Variants in HCN4 observed in about 807,000 individuals in gnomAD.
HCN4 encodes the protein potassium/sodium hyperpolarization-activated cyclic nucleotide-gated channel 4.
A neutral mutation model predicts 76.9 loss-of-function variants in HCN4; 29 were observed. The ratio of observed to expected loss-of-function variants is 0.38; its 90% CI spans 0.28 to 0.51. The LOEUF (loss-of-function observed/expected upper bound fraction) is 0.51, where lower values mean the gene tolerates loss of function less well. Ranked by LOEUF, HCN4 falls within the 20% of genes least tolerant of loss-of-function variation. HCN4 has a pLI of 0.90. For synonymous variants in HCN4, 772 were observed against 762.5 expected (o/e 1.01, Z -0.21); for missense variants, 1,416 against 1,715.2 (o/e 0.83, Z 3.08).
rs560411443 is a variant in HCN4 at position 73,363,511 on chromosome 15, G to T, written c.785+3975C>A. 4.6e-5 allele frequency among the ~76,000 whole-genome samples: 7 copies of T among 152,350 alleles called. 1 individual carries two copies. The highest frequency in any genetic ancestry group is 1.7e-4 in the African/African-American group (7 of 41,576). Reference sequence around the variant, plus strand: ...TCACCAGGCCCAGGCTCTCTTCTGGGATGGCCTAGAGAGGGGTTCACAACC... The same window carrying T: ...TCACCAGGCCCAGGCTCTCTTCTGGTATGGCCTAGAGAGGGGTTCACAACC... On this transcript the variant is annotated intron_variant, in intron 1 of 7. Coordinates refer to ENST00000261917, the MANE Select transcript of HCN4 (RefSeq NM_005477.3).
In HCN4 at chr15:73,325,867, G is replaced by GTTGTCCA. The variant is rs2042895923; in HGVS notation, c.1591-424_1591-423insTGGACAA. On this transcript the variant is annotated intron_variant, in intron 4 of 7. Transcript: ENST00000261917. The surrounding 1 kb of genome is among the most constrained non-coding windows in gnomAD (Gnocchi z 7.4). ...CCTCCCAGCAGTGACAACTGGCACA[G>GTTGTCCA]TCAGGAGGCAAGGGTGCGATGGATC... Among the ~76,000 whole-genome samples the GTTGTCCA allele has an allele frequency of 1.3e-5, 2 of 152,208 alleles. No homozygotes were observed. The highest frequency in any genetic ancestry group is 2.9e-5 in the Non-Finnish European group (2 of 68,040).
chr15:73,367,757 G>T lies in HCN4; in HGVS notation c.514C>A (p.Pro172Thr). The change falls in exon 1 of 8, where the codon CCG becomes ACG. Residue 172 changes from proline to threonine, a missense_variant. Transcript: ENST00000261917. The surrounding 1 kb of genome is among the most constrained non-coding windows in gnomAD (Gnocchi z 7.5). ...TCGCAGGAGGCGGAGGCCGGCTGCG[G>T]TGGCTGCTGGGGCGGCGGCGGCGAG... ...AASPPPPQQP[P>T]QPASASCEQP... The T allele has an allele frequency of 6.4e-7, 1 of 1,553,180 alleles. No individual in the cohort carries two copies. The highest frequency in any genetic ancestry group is 1.2e-5 in the South Asian group (1 of 86,502).
At chr15:73,362,068 C>G (rs1158862979) in intron 1 of HCN4, among the ~76,000 whole-genome samples, 2 of 152,328 alleles carry the variant, frequency 1.3e-5, no homozygotes, top group East Asian at 3.9e-4. Context: ...AATGAGGGTC[C>G]TCTGACCACC....
At chr15:73,348,861 A>C (rs939862473) in intron 1 of HCN4, among the ~76,000 whole-genome samples, 5 of 152,152 alleles carry the variant, frequency 3.3e-5, no homozygotes, top group Non-Finnish European at 5.9e-5. Context: ...CCAGACCTGC[A>C]TTCTTACCTG....
rs2042864048 is a variant in HCN4, at chr15:73,322,327, T to C, written c.*154A>G. ...GACCAAAAATCTATAGCTCTAAGAATACCTGGTTATTTTCTGCTGTCTTTT... is the reference window on the plus strand; with the variant it reads ...GACCAAAAATCTATAGCTCTAAGAACACCTGGTTATTTTCTGCTGTCTTTT... On this transcript the variant is annotated 3_prime_UTR_variant, in exon 8 of 8. Coordinates refer to ENST00000261917, the MANE Select transcript of HCN4 (RefSeq NM_005477.3). The C allele has an allele frequency of 6.3e-6, 4 of 630,484 alleles. No individual in the cohort carries two copies. The Admixed American group carries it at 7.0e-5, about 11-fold the overall frequency. 39.1% of individuals were successfully genotyped at this position (630,484 alleles called of 1,614,324 possible). A position where few individuals can be genotyped will look rare whatever the true frequency, so the allele number is the denominator to read the frequency against.
intron 2 of HCN4, among the ~76,000 whole-genome samples, chr15:73,340,295 C>G (rs1191377632): frequency 6.6e-6 from 1 of 152,198 alleles, no homozygotes; most frequent in Non-Finnish European, 1.5e-5. Flanking sequence ...CCACAGCCCT[C>G]AGGCCCTGGA....
chr15:73,347,575 T>A (rs1172475672), intron 1 of HCN4, among the ~76,000 whole-genome samples: 1 of 152,160 alleles, frequency 6.6e-6, no homozygotes, highest in Non-Finnish European at 1.5e-5. Context: ...GTCACACATG[T>A]CCTATAGAAG....
chr15:73,336,178 T>C (rs1415683738), intron 2 of HCN4, among the ~76,000 whole-genome samples: 1 of 152,082 alleles, frequency 6.6e-6, no homozygotes, highest in East Asian at 1.9e-4. Context: ...GCACGGCTGG[T>C]AGCAGAGCCC....
In HCN4 at chr15:73,329,774, C is replaced by T. The variant is rs1490736338; in HGVS notation, c.1389G>A (p.Lys463=). ...CCTTGAAGAGCGCGTAGGAGTACTGCTTCCCCCAGGAGTTGTTCTGTGGAC... is the reference window on the plus strand; with the variant it reads ...CCTTGAAGAGCGCGTAGGAGTACTGTTTCCCCCAGGAGTTGTTCTGTGGAC... The part of the protein sequence containing the change: ...INNMVNNSWG[K]QYSYALFKAM... The change falls in exon 4 of 8, where the codon AAG becomes AAA. Residue 463 remains lysine (K), a synonymous_variant. Coordinates refer to ENST00000261917, the MANE Select transcript of HCN4 (RefSeq NM_005477.3). The T allele has an allele frequency of 6.2e-7, 1 of 1,613,852 alleles. No individual in the cohort carries two copies. The highest frequency in any genetic ancestry group is 2.2e-5 in the East Asian group (1 of 44,876).
intron 1 of HCN4, among the ~76,000 whole-genome samples, chr15:73,361,867 C>A (rs191722776): frequency 4.4e-4 from 67 of 152,374 alleles, no homozygotes; most frequent in African/African-American, 1.6e-3. Context: ...CTCCTCTCAG[C>A]TGGCCCCTGT....
intron 3 of HCN4, among the ~76,000 whole-genome samples, chr15:73,331,351 G>A (rs1338629543): frequency 1.3e-5 from 2 of 152,228 alleles, no homozygotes; most frequent in Non-Finnish European, 2.9e-5. Flanking sequence ...ATGTTGGCGA[G>A]TGGGGGCAGC....
chr15:73,329,750 C>G lies in HCN4; in HGVS notation c.1413G>C (p.Lys471Asn). The G allele has an allele frequency of 6.2e-7, 1 of 1,614,152 alleles. No individual in the cohort carries two copies. Among genetic ancestry groups the G allele is most frequent in the Non-Finnish European group, 8.5e-7 (1 of 1,179,998 alleles). The change falls in exon 4 of 8, where the codon AAG becomes AAC. Residue 471 changes from lysine (K) to asparagine (N), a missense_variant. Coordinates refer to ENST00000261917, the MANE Select transcript of HCN4 (RefSeq NM_005477.3). ...CGATGCACAGCATGTGGCTCATGGC[C>G]TTGAAGAGCGCGTAGGAGTACTGCT... ...WGKQYSYALF[K>N]AMSHMLCIGY...
Position 73,367,892 on chromosome 15 carries a change from C to T in HCN4, c.379G>A (p.Glu127Lys), listed in dbSNP as rs1056770175. 4 of 1,378,094 alleles carry T rather than the reference C, an allele frequency of 2.9e-6. No individual in the cohort carries two copies. The highest frequency in any genetic ancestry group is 3.8e-6 in the Non-Finnish European group (4 of 1,064,110). 85.4% of individuals were successfully genotyped at this position (1,378,094 alleles called of 1,614,324 possible). The change falls in exon 1 of 8, where the codon GAG (glutamate) becomes AAG (lysine). Residue 127 changes from glutamate to lysine, a missense_variant. Coordinates refer to ENST00000261917, the MANE Select transcript of HCN4 (RefSeq NM_005477.3). The surrounding 1 kb of genome is among the most constrained non-coding windows in gnomAD (Gnocchi z 7.5). Reference sequence around the variant, plus strand: ...CCCTCGGCGATGAGCCGCCGCTCCTCCGCGGAGTCATGCAGGTGTCCGTGA... The same window carrying T: ...CCCTCGGCGATGAGCCGCCGCTCCTTCGCGGAGTCATGCAGGTGTCCGTGA... ...SSHGHLHDSA[E>K]ERRLIAEGDA...
rs558425164 is a variant in HCN4 at position 73,328,496 on chromosome 15, G to A, written c.1590+1077C>T. On this transcript the variant is annotated intron_variant, in intron 4 of 7. Coordinates refer to ENST00000261917, the MANE Select transcript of HCN4 (RefSeq NM_005477.3). This position sits in a 1 kb window ranked among gnomAD's most constrained non-coding sequence, Gnocchi z 4.0. ...ATGAGGCTGACGTGTTTTAGATGCC[G>A]CTCCAACTGCTGTGTGAGGTGTGCA... Among the ~76,000 whole-genome samples the A allele has an allele frequency of 2.0e-5, 3 of 152,072 alleles. No individual in the cohort carries two copies. The highest frequency in any genetic ancestry group is 2.1e-4 in the South Asian group (1 of 4,818).
rs563802180 is a variant in HCN4 at position 73,329,500 on chromosome 15, G to A, written c.1590+73C>T. On this transcript the variant is annotated intron_variant, in intron 4 of 7. Transcript: ENST00000261917. ...GGGAGCAGGGGGCGGTTCCTGCTGG[G>A]GGCCCACTGGCTGGTGGCCTGTGCT... is the stretch of plus-strand genomic sequence containing the variant. 214 of 1,451,166 alleles carry A rather than the reference G, an allele frequency of 1.5e-4. 1 individual carries two copies. In the South Asian group the frequency reaches 2.4e-3, roughly 16 times the overall value. 89.9% of individuals were successfully genotyped at this position (1,451,166 alleles called of 1,614,324 possible). A position where few individuals can be genotyped will look rare whatever the true frequency, so the allele number is the denominator to read the frequency against.
intron 1 of HCN4, among the ~76,000 whole-genome samples, chr15:73,344,312 A>C (rs1440268335): frequency 6.6e-6 from 1 of 152,138 alleles, no homozygotes; most frequent in East Asian, 1.9e-4. Flanking sequence ...GGAAGGCAGG[A>C]GGCCCAGGCT....
chr15:73,323,979 G>A (rs760067483), intron 7 of HCN4, 30 bp from the exon 8 acceptor site: 2 of 1,609,174 alleles, frequency 1.2e-6, no homozygotes, highest in Non-Finnish European at 8.5e-7. Flanking sequence ...CAGGCACTCA[G>A]GGCAGAGCGG....
In HCN4 at chr15:73,362,297, C is replaced by T. The variant is rs552581526; in HGVS notation, c.785+5189G>A. 1.4e-4 allele frequency among the ~76,000 whole-genome samples: 21 copies of T among 152,306 alleles called. No individual in the cohort carries two copies. The East Asian group carries it at 3.7e-3, about 27-fold the overall frequency. ...AGGCTCTGAGGCCAAAGAGATAAAA[C>T]GGAGCTCTGCCCTCAGGGAGCTCAG... On this transcript the variant is annotated intron_variant, in intron 1 of 7. Coordinates refer to ENST00000261917, the MANE Select transcript of HCN4 (RefSeq NM_005477.3).
chr15:73,367,352 C>G lies in HCN4; in HGVS notation c.785+134G>C. 7.2e-7 allele frequency: 1 copy of G among 1,393,200 alleles called. No homozygotes were observed. 86.3% of individuals were successfully genotyped at this position (1,393,200 alleles called of 1,614,324 possible). On this transcript the variant is annotated intron_variant, in intron 1 of 7. Transcript: ENST00000261917. The surrounding 1 kb of genome is among the most constrained non-coding windows in gnomAD (Gnocchi z 7.5). Reference sequence around the variant, plus strand: ...AGGGGGCCTGGGGGTGTCTCGGAGCCTAGAGGCGCCCTGCCTCTCTTGGAG... The same window carrying G: ...AGGGGGCCTGGGGGTGTCTCGGAGCGTAGAGGCGCCCTGCCTCTCTTGGAG...
Sources: allele counts gnomAD v4.1 joint callset (sites outside exome capture counted in the v4.1 genomes callset), GRCh38; gene constraint gnomAD v4.1.1; non-coding constraint Gnocchi (gnomAD v3.1); transcripts MANE v1.5; gene names NCBI Gene and HGNC (gene_info 2026-07-23, HGNC 2026-07-21).